Variants in DEPTOR observed in about 807,000 individuals in gnomAD.
The protein encoded by DEPTOR is DEP domain-containing mTOR-interacting protein.
DEPTOR carries 41 observed loss-of-function variants against 41.6 expected under a neutral mutation model. That is an observed-to-expected ratio of 0.98 (90% confidence interval 0.77 to 1.28). DEPTOR has a LOEUF of 1.28. Among genes scored for constraint, DEPTOR ranks in the 50% most tolerant of loss-of-function variants. DEPTOR has a pLI of 0.00. For missense variants in DEPTOR, 514 were observed against 527.9 expected (o/e 0.97, Z 0.26); for synonymous variants, 195 against 192.3 (o/e 1.01, Z -0.12).
At position 120,004,835 on chromosome 8, in the gene DEPTOR, A is replaced by AT. The variant is rs140964200; in HGVS notation, c.925+1733dup. 8.6e-5 allele frequency among the ~76,000 whole-genome samples: 13 copies of AT among 151,162 alleles called. No individual in the cohort carries two copies. In the South Asian group the frequency reaches 1.0e-3, roughly 12 times the overall value. On this transcript the variant is annotated intron_variant, in intron 6 of 8. Transcript: ENST00000286234. ...CCAAGACCCAGTGAGTTCATCTGTG[A>AT]TTTTTTTTTCTCAAGCAGATGATCA...
chr8:120,011,241 T>C (rs896799529), intron 8 of DEPTOR, among the ~76,000 whole-genome samples: 3 of 152,208 alleles, frequency 2.0e-5, no homozygotes, highest in Non-Finnish European at 2.9e-5. Context: ...TAGGGGCTGC[T>C]TCCACCTTTT....
At chr8:120,006,999 CG>C (rs1812449296) in intron 7 of DEPTOR, 124 bp downstream of exon 7, 2 of 940,454 alleles carry the variant, frequency 2.1e-6, no homozygotes, top group Non-Finnish European at 3.2e-6. Context: ...TTGTTTTTAG[CG>C]TAATTATGAT....
intron 1 of DEPTOR, among the ~76,000 whole-genome samples, chr8:119,879,268 GA>G (rs1827267661): frequency 6.6e-6 from 1 of 152,194 alleles, no homozygotes; most frequent in Admixed American, 6.5e-5. Context: ...AGCCCCTTTG[GA>G]AAAATATTTG....
At chr8:119,982,187 A>C (rs1326427387) in intron 4 of DEPTOR, among the ~76,000 whole-genome samples, 1 of 152,124 alleles carries the variant, frequency 6.6e-6, no homozygotes, top group Non-Finnish European at 1.5e-5. Flanking sequence ...TGGATAAAAG[A>C]ATACAGTATC....
chr8:119,928,669 G>C, intron 2 of DEPTOR, 91 bp downstream of exon 2: 1 of 1,418,434 alleles, frequency 7.1e-7, no homozygotes, highest in Non-Finnish European at 9.4e-7. Context: ...AAAACATTTT[G>C]CTTTATTTTA....
intron 3 of DEPTOR, among the ~76,000 whole-genome samples, chr8:119,931,445 C>T (rs1387377298): frequency 1.3e-5 from 2 of 152,102 alleles, no homozygotes; most frequent in East Asian, 3.9e-4. Flanking sequence ...GGGAGTTAAA[C>T]GATAGCTGTG....
chr8:119,991,434 G>C (rs1055400195), intron 4 of DEPTOR, among the ~76,000 whole-genome samples: 3 of 152,006 alleles, frequency 2.0e-5, no homozygotes, highest in Non-Finnish European at 4.4e-5. Flanking sequence ...TTGTGCTTCA[G>C]CCTCCCAAGC....
At position 120,023,802 on chromosome 8, in the gene DEPTOR, T is replaced by TTC. The variant is rs1554586505; in HGVS notation, c.1101+14670_1101+14671insCT. ...CCATGGTTTCAGTCACCTATTTTGTTTTTTTTTTTTTACTTTGCTTGGCTT... is the reference window on the plus strand; with the variant it reads ...CCATGGTTTCAGTCACCTATTTTGTTTCTTTTTTTTTTTACTTTGCTTGGCTT... On this transcript the variant is annotated intron_variant, in intron 8 of 8. Coordinates refer to ENST00000286234, the MANE Select transcript of DEPTOR (RefSeq NM_022783.4). Among the ~76,000 whole-genome samples, 500 of 149,746 alleles carry TTC rather than the reference T, an allele frequency of 3.3e-3. 1 individual carries two copies. The highest frequency in any genetic ancestry group is 0.011 in the African/African-American group (456 of 40,922).
rs907478062 is a variant in DEPTOR at position 119,880,716 on chromosome 8, C to T, written c.122+6748C>T. Among the ~76,000 whole-genome samples, 15 of 152,258 alleles carry T rather than the reference C, an allele frequency of 9.9e-5. No homozygotes were observed. The South Asian group carries it at 1.0e-3, about 11-fold the overall frequency. ...CTACTAAATATTAAACTCAATCTTT[C>T]TGACATGTGGTTTTAAAAAGTGAAT... On this transcript the variant is annotated intron_variant, in intron 1 of 8. Transcript: ENST00000286234.
intron 1 of DEPTOR, among the ~76,000 whole-genome samples, chr8:119,913,804 T>G (rs1827776508): frequency 6.6e-6 from 1 of 152,082 alleles, no homozygotes; most frequent in Non-Finnish European, 1.5e-5. Flanking sequence ...GTGTCCTGAC[T>G]CCTCCTAGAG....
intron 3 of DEPTOR, among the ~76,000 whole-genome samples, chr8:119,945,356 T>A (rs1828257986): frequency 6.6e-6 from 1 of 152,212 alleles, no homozygotes; most frequent in Non-Finnish European, 1.5e-5. Flanking sequence ...AGAATAATAA[T>A]CTTAGCCATC....
At chr8:119,922,149 G>A (rs1005732179) in intron 1 of DEPTOR, among the ~76,000 whole-genome samples, 5 of 151,018 alleles carry the variant, frequency 3.3e-5, no homozygotes, top group Middle Eastern at 3.4e-3. Flanking sequence ...TGAAGCAGGA[G>A]AATTGCTTGA....
At chr8:119,958,911 G>A (rs1828453196) in intron 3 of DEPTOR, among the ~76,000 whole-genome samples, 1 of 152,176 alleles carries the variant, frequency 6.6e-6, no homozygotes, top group South Asian at 2.1e-4. Flanking sequence ...GAGAAGCAAT[G>A]AAGTCACACT....
chr8:119,900,912 T>G (rs2129748418), intron 1 of DEPTOR, among the ~76,000 whole-genome samples: 1 of 152,314 alleles, frequency 6.6e-6, no homozygotes, highest in Middle Eastern at 3.4e-3. Context: ...CCACAGCATC[T>G]TCACTCTTCT....
chr8:120,018,566 A>G (rs2130128707), intron 8 of DEPTOR, among the ~76,000 whole-genome samples: 1 of 152,272 alleles, frequency 6.6e-6, no homozygotes, highest in Admixed American at 6.5e-5. Context: ...GCAACAGAGC[A>G]AGACTGACTC....
intron 1 of DEPTOR, among the ~76,000 whole-genome samples, chr8:119,902,446 T>A (rs112782858): frequency 0.018 from 2,671 of 152,242 alleles, 85 homozygotes; most frequent in African/African-American, 0.061. Context: ...TTCAAGCGAT[T>A]CTCCTGTCTC....
rs79929335 is a variant in DEPTOR at position 119,909,110 on chromosome 8, G to A, written c.123-19290G>A. Among the ~76,000 whole-genome samples the A allele has an allele frequency of 1.2e-3, 180 of 152,324 alleles. 2 individuals are homozygous for A. The East Asian group carries it at 0.03, about 26-fold the overall frequency. On this transcript the variant is annotated intron_variant, in intron 1 of 8. Coordinates refer to ENST00000286234, the MANE Select transcript of DEPTOR (RefSeq NM_022783.4). ...ACAATAACAAATGCTAGGATGGAAA[G>A]ATATTGGAGACAGGTGCAGTAGTGT...
chr8:120,037,761 G>A (rs1225534565), intron 8 of DEPTOR, among the ~76,000 whole-genome samples: 1 of 152,074 alleles, frequency 6.6e-6, no homozygotes, highest in Non-Finnish European at 1.5e-5. Flanking sequence ...AAGATAAGAC[G>A]CTATATGCCC....
At chr8:120,023,970 T>C (rs1213937926) in intron 8 of DEPTOR, among the ~76,000 whole-genome samples, 1 of 152,140 alleles carries the variant, frequency 6.6e-6, no homozygotes, top group East Asian at 1.9e-4. Flanking sequence ...GCATGGTTGT[T>C]CACGCCTGTA....
Sources: allele counts gnomAD v4.1 joint callset (sites outside exome capture counted in the v4.1 genomes callset), GRCh38; gene constraint gnomAD v4.1.1; transcripts MANE v1.5; gene names NCBI Gene and HGNC (gene_info 2026-07-23, HGNC 2026-07-21).